The following C4orf17 variants were observed in gnomAD, a reference collection of about 807,000 sequenced individuals.
The protein encoded by C4orf17 is uncharacterized protein C4orf17.
Under a neutral mutation model 32.0 loss-of-function variants are expected in C4orf17, and 25 were observed. The observed-to-expected ratio is 0.78, with a 90% CI of 0.57 to 1.09. The LOEUF (loss-of-function observed/expected upper bound fraction) is 1.09, where lower values mean the gene tolerates loss of function less well. Ranked by LOEUF, C4orf17 falls within the 50% of genes least tolerant of loss-of-function variation. C4orf17 has a pLI of 0.00. For synonymous variants in C4orf17, 149 were observed against 145.8 expected (o/e 1.02, Z -0.16); for missense variants, 420 against 420.0 (o/e 1.00, Z 0.00).
chr4:99,524,195 A>T (rs944229527), intron 3 of C4orf17, among the ~76,000 whole-genome samples: 7 of 151,952 alleles, frequency 4.6e-5, no homozygotes, highest in Non-Finnish European at 8.8e-5. Flanking sequence ...GTTAGCCAGG[A>T]TGGTCTCGAT....
intron 1 of C4orf17, among the ~76,000 whole-genome samples, chr4:99,512,302 C>G (rs1232800011): frequency 2.0e-5 from 3 of 152,180 alleles, no homozygotes; most frequent in Non-Finnish European, 4.4e-5. Context: ...TAAATAACGA[C>G]TTTCTATGTT....
chr4:99,515,113 G>C (rs1182287073), intron 2 of C4orf17, among the ~76,000 whole-genome samples: 1 of 152,190 alleles, frequency 6.6e-6, no homozygotes, highest in Admixed American at 6.5e-5. Flanking sequence ...AGGTTAAAAA[G>C]CGGGTGAGGA....
chr4:99,512,579 A>C (rs78510748), intron 1 of C4orf17, among the ~76,000 whole-genome samples: 7,354 of 152,226 alleles, frequency 0.048, 305 homozygotes, highest in Middle Eastern at 0.13. Flanking sequence ...TACAATATGA[A>C]GGGACTTAAC....
At chr4:99,540,689 C>A in intron 8 of C4orf17, 1 of 423,046 alleles carries the variant, frequency 2.4e-6, no homozygotes, top group Non-Finnish European at 4.3e-6. Context: ...AGAAGCAAGA[C>A]AGCAGGACAA....
At chr4:99,519,427 T>C (rs1723248338) in intron 2 of C4orf17, 1 of 152,196 alleles carries the variant, frequency 6.6e-6, no homozygotes, top group Non-Finnish European at 1.5e-5. Context: ...GTTATTTTCT[T>C]CATTATTTGA....
At chr4:99,530,037 A>C (rs1328621140) in intron 5 of C4orf17, 79 bp downstream of exon 5, 2 of 1,154,092 alleles carry the variant, frequency 1.7e-6, no homozygotes, top group Non-Finnish European at 2.4e-6. Flanking sequence ...AGCATCCTTA[A>C]AACTCTTAAA....
chr4:99,530,025 C>T, intron 5 of C4orf17, 67 bp downstream of exon 5: 1 of 1,276,718 alleles, frequency 7.8e-7, no homozygotes. Flanking sequence ...ATTTATACCA[C>T]TAGCATCCTT....
intron 6 of C4orf17, 21 bp from the exon 7 acceptor site, chr4:99,539,142 C>CT (rs1257922209): frequency 3.1e-6 from 5 of 1,609,486 alleles, no homozygotes; most frequent in Admixed American, 1.7e-5. Flanking sequence ...TCCTCCCACC[C>CT]TTTTTTGTCT....
At chr4:99,540,504 A>G in intron 8 of C4orf17, 49 bp downstream of exon 8, 2 of 1,215,134 alleles carry the variant, frequency 1.6e-6, no homozygotes, top group Non-Finnish European at 1.2e-6. Context: ...AGAAACCAGT[A>G]AGTACTAATG....
intron 4 of C4orf17, among the ~76,000 whole-genome samples, chr4:99,527,588 C>T (rs113779187): frequency 0.17 from 25,317 of 152,156 alleles, 2,637 homozygotes; most frequent in East Asian, 0.44. Context: ...ACATCCCTTG[C>T]ATGTGCAGTT....
chr4:99,522,347 A>T (rs1457481377), intron 2 of C4orf17, among the ~76,000 whole-genome samples, 153 bp from the exon 3 acceptor site: 4 of 148,458 alleles, frequency 2.7e-5, no homozygotes, highest in East Asian at 2.0e-4. Flanking sequence ...TCATAATACA[A>T]TTTTTTTTTT....
At position 99,522,562 on chromosome 4, in the gene C4orf17, G is replaced by T. The variant is rs1312731668; in HGVS notation, c.190G>T (p.Gly64Ter). The T allele has an allele frequency of 1.9e-6, 3 of 1,613,792 alleles. No individual in the cohort carries two copies. The East Asian group carries it at 6.7e-5, about 36-fold the overall frequency. ...TGAGAATGCATTTGGAACATTGTGG[G>T]GAGTTGGCCAGTCTAACTACTTAGA... ...DDENAFGTLW[G>*]VGQSNYLEKN... is the part of the protein sequence containing the mutation. The change falls in exon 3 of 9, where the codon GGA becomes TGA. Residue 64 changes from glycine to a stop codon, truncating the protein, a stop_gained. Coordinates refer to ENST00000326581, the MANE Select transcript of C4orf17 (RefSeq NM_032149.3). LOFTEE classifies it high-confidence loss of function.
intron 2 of C4orf17, among the ~76,000 whole-genome samples, chr4:99,514,143 T>C (rs1372191009): frequency 6.6e-6 from 1 of 152,186 alleles, no homozygotes; most frequent in Non-Finnish European, 1.5e-5. Context: ...ATGTGTCATA[T>C]TCCTGAGGTG....
At position 99,536,999 on chromosome 4, in the gene C4orf17, T is replaced by C. The variant is rs149486057; in HGVS notation, c.547-670T>C. On this transcript the variant is annotated intron_variant, in intron 5 of 8. Transcript: ENST00000326581. ...TCAGAACATCAGGTCATAGGGTAAATACTAGGGACAATAGAGGCTTCCCCA... is the reference window on the plus strand; with the variant it reads ...TCAGAACATCAGGTCATAGGGTAAACACTAGGGACAATAGAGGCTTCCCCA... 2.6e-5 allele frequency among the ~76,000 whole-genome samples: 4 copies of C among 152,100 alleles called. No individual in the cohort carries two copies. In the East Asian group the frequency reaches 7.8e-4, roughly 30 times the overall value.
intron 2 of C4orf17, among the ~76,000 whole-genome samples, chr4:99,519,534 A>G (rs1723249493): frequency 6.6e-6 from 1 of 152,328 alleles, no homozygotes; most frequent in Non-Finnish European, 1.5e-5. Context: ...AGTTGCCACA[A>G]GTGAGGTGCT....
Position 99,542,184 on chromosome 4 carries a change from T to C in C4orf17, c.*75T>C. On this transcript the variant is annotated 3_prime_UTR_variant, in exon 9 of 9. Coordinates refer to ENST00000326581, the MANE Select transcript of C4orf17 (RefSeq NM_032149.3). The stretch of plus-strand genomic sequence containing the variant: ...ATCATCAAATTATTTTTCAAATGAA[T>C]ATTTTTGGTATTGAGGAATCAAGTG... The C allele has an allele frequency of 7.4e-7, 1 of 1,358,420 alleles. No homozygotes were observed. The highest frequency in any genetic ancestry group is 1.2e-5 in the South Asian group (1 of 81,756). The allele number at this position is 1,358,420 out of a possible 1,614,324, so 84.1% of individuals were successfully genotyped here.
Position 99,522,670 on chromosome 4 carries a change from G to A in C4orf17, c.298G>A (p.Ala100Thr). The change falls in exon 3 of 9, where the codon GCC (alanine) becomes ACC (threonine). Residue 100 changes from alanine (A) to threonine (T), a missense_variant. Ala to Thr is a moderately conservative substitution (Grantham distance 58). Coordinates refer to ENST00000326581, the MANE Select transcript of C4orf17 (RefSeq NM_032149.3). ...GAGCCCTGTAAGAGGAATGTCGCCA[G>A]CCCCAAACGGTGCCAAAGTGCCTCC... ...QESPVRGMSP[A>T]PNGAKVPPRP... 6.2e-7 allele frequency: 1 copy of A among 1,613,958 alleles called. No individual in the cohort carries two copies. The highest frequency in any genetic ancestry group is 8.5e-7 in the Non-Finnish European group (1 of 1,179,940).
intron 6 of C4orf17, 129 bp from the exon 7 acceptor site, chr4:99,539,034 C>T: frequency 1.2e-6 from 1 of 853,818 alleles, no homozygotes; most frequent in Non-Finnish European, 1.9e-6. Context: ...TCCTTACTCC[C>T]ACATAGGTAA....
rs1451104038 is a variant in C4orf17, at chr4:99,518,542, TATAGAGAGAG to T, written c.128-3956_128-3947del. Reference sequence around the variant, plus strand: ...AAATATATATATATATATATATATATATAGAGAGAGAGAGAGAGAGAGAGAGAGAGAGAGA... The same window carrying T: ...AAATATATATATATATATATATATATAGAGAGAGAGAGAGAGAGAGAGAGA... On this transcript the variant is annotated intron_variant, in intron 2 of 8. Transcript: ENST00000326581. Among the ~76,000 whole-genome samples, 33 of 60,138 alleles carry T rather than the reference TATAGAGAGAG, an allele frequency of 5.5e-4. No homozygotes were observed. In the East Asian group the frequency reaches 8.7e-3, roughly 16 times the overall value. The allele number at this position is 60,138 out of a possible 152,430, so 39.5% of individuals were successfully genotyped here.
Sources: gnomAD v4.1 joint callset for allele counts (sites outside exome capture counted in the v4.1 genomes callset) on GRCh38, gnomAD v4.1.1 for gene constraint, MANE v1.5 for transcripts, NCBI Gene and HGNC (gene_info 2026-07-23, HGNC 2026-07-21) for gene names.